Variants in ARHGAP6 observed in about 807,000 individuals in gnomAD.
ARHGAP6 encodes the protein Rho GTPase activating protein 6.
ARHGAP6 carries 16 observed loss-of-function variants against 55.7 expected under a neutral mutation model. That is an observed-to-expected ratio of 0.29 (90% CI 0.19 to 0.44). The LOEUF is 0.44. Ranked by LOEUF, ARHGAP6 falls within the 20% of genes least tolerant of loss-of-function variation. ARHGAP6 has a pLI of 1.00. For synonymous variants in ARHGAP6, 382 were observed against 360.9 expected (o/e 1.06, Z -0.66); for missense variants, 698 against 808.9 (o/e 0.86, Z 1.66).
chrX:11,227,245 A>G (rs1382925350), intron 2 of ARHGAP6, among the ~76,000 whole-genome samples: 9 of 112,043 alleles, frequency 8.0e-5, no homozygotes, highest in African/African-American at 2.9e-4. Flanking sequence ...GAAACTATTT[A>G]TTAATTGGTA....
At chrX:11,267,209 G>T (rs2047637278) in intron 1 of ARHGAP6, among the ~76,000 whole-genome samples, 1 of 111,653 alleles carries the variant, frequency 9.0e-6, no homozygotes, top group Non-Finnish European at 1.9e-5. Context: ...ACATGAAATT[G>T]ATAAATATGT....
intron 2 of ARHGAP6, chrX:11,221,481 C>T (rs1165857904): frequency 6.6e-6 from 1 of 152,528 alleles, no homozygotes; most frequent in African/African-American, 3.2e-5. Context: ...TCTTAAATGC[C>T]TTCTTCTCAT....
chrX:11,411,222 T>TATATATATATATATATA (rs1385399573), intron 1 of ARHGAP6, among the ~76,000 whole-genome samples: 2 of 79,554 alleles, frequency 2.5e-5, no homozygotes, highest in Non-Finnish European at 4.8e-5. Flanking sequence ...TATATATATA[T>TATATATATATATATATA]AAAATATACA....
At chrX:11,361,638 G>A (rs1410772891) in intron 1 of ARHGAP6, among the ~76,000 whole-genome samples, 1 of 110,099 alleles carries the variant, frequency 9.1e-6, no homozygotes, top group East Asian at 2.9e-4. Context: ...GGCAACAAAA[G>A]CCAAAATTGA....
At chrX:11,333,860 AC>A (rs924194559) in intron 1 of ARHGAP6, among the ~76,000 whole-genome samples, 1 of 111,547 alleles carries the variant, frequency 9.0e-6, no homozygotes, top group African/African-American at 3.3e-5. Context: ...CTCATGAAGA[AC>A]CCCTGACACC....
chrX:11,527,591 G>A (rs928203733), intron 1 of ARHGAP6, among the ~76,000 whole-genome samples: 8 of 111,766 alleles, frequency 7.2e-5, no homozygotes, highest in African/African-American at 2.6e-4. Context: ...CAGCCTGGGC[G>A]ACAGAGCGAG....
rs1601706510 is a variant in ARHGAP6 at position 11,622,790 on chromosome X, A to G, written c.588+41451T>C. 3.6e-5 allele frequency among the ~76,000 whole-genome samples: 4 copies of G among 111,607 alleles called. No homozygotes were observed. The South Asian group carries it at 1.5e-3, about 42-fold the overall frequency. On this transcript the variant is annotated intron_variant, in intron 1 of 12. Coordinates refer to ENST00000337414, the MANE Select transcript of ARHGAP6 (RefSeq NM_013427.3). ...TATTAACCTTGAAATGTGTATATGG[A>G]TTAGAAATTTTGCTGTTTCCAAGAA... is the stretch of plus-strand genomic sequence containing the variant.
At chrX:11,242,883 C>T (rs2047303142) in intron 2 of ARHGAP6, among the ~76,000 whole-genome samples, 1 of 111,760 alleles carries the variant, frequency 8.9e-6, no homozygotes, top group African/African-American at 3.2e-5. Context: ...AAACAGCTCT[C>T]TCTGATTCAG....
intron 1 of ARHGAP6, among the ~76,000 whole-genome samples, chrX:11,522,928 A>AC (rs1015658817): frequency 9.0e-6 from 1 of 110,879 alleles, no homozygotes; most frequent in African/African-American, 3.3e-5. Context: ...CAGAGACACA[A>AC]CAAAAAACAG....
At chrX:11,524,804 T>C (rs185375835) in intron 1 of ARHGAP6, among the ~76,000 whole-genome samples, 139 of 111,389 alleles carry the variant, frequency 1.2e-3, no homozygotes, top group African/African-American at 4.2e-3. Flanking sequence ...ATAAAATAAT[T>C]ATACAACTCA....
intron 1 of ARHGAP6, among the ~76,000 whole-genome samples, chrX:11,479,604 G>T (rs185185153): frequency 2.7e-5 from 3 of 111,456 alleles, no homozygotes; most frequent in East Asian, 2.8e-4. Context: ...CTCTGCACTT[G>T]GTTTAAGGCT....
At position 11,306,416 on chromosome X, in the gene ARHGAP6, A is replaced by C. The variant is rs775138118; in HGVS notation, c.589-51709T>G. Among the ~76,000 whole-genome samples, 10 of 113,003 alleles carry C rather than the reference A, an allele frequency of 8.8e-5. No individual in the cohort carries two copies. In the South Asian group the frequency reaches 1.1e-3, roughly 12 times the overall value. On this transcript the variant is annotated intron_variant, in intron 1 of 12. Coordinates refer to ENST00000337414, the MANE Select transcript of ARHGAP6 (RefSeq NM_013427.3). ...CTTAATATCTGCTCAATGAGCCATC[A>C]TTAGCATTAAACACCCAGGATGCTG...
chrX:11,195,678 A>G (rs753779581), intron 3 of ARHGAP6, among the ~76,000 whole-genome samples: 104 of 110,183 alleles, frequency 9.4e-4, no homozygotes, highest in Non-Finnish European at 1.6e-3. Context: ...GGGTGGGAGG[A>G]AAGTGAGAAT....
chrX:11,572,062 G>C (rs1301069801), intron 1 of ARHGAP6, among the ~76,000 whole-genome samples: 1 of 111,319 alleles, frequency 9.0e-6, no homozygotes, highest in Non-Finnish European at 1.9e-5. Flanking sequence ...TTCCCAAAAA[G>C]CAATGTTAAC....
intron 1 of ARHGAP6, among the ~76,000 whole-genome samples, chrX:11,558,525 G>T (rs748854670): frequency 3.6e-5 from 4 of 111,100 alleles, no homozygotes; most frequent in Non-Finnish European, 3.8e-5. Context: ...AAGATAAAGA[G>T]CTGTAGGTAC....
chrX:11,467,380 CA>C (rs374752108), intron 1 of ARHGAP6, among the ~76,000 whole-genome samples: 5 of 106,085 alleles, frequency 4.7e-5, no homozygotes, highest in East Asian at 3.0e-4. Context: ...AACAAACAAA[CA>C]AAAAAAAACA....
intron 1 of ARHGAP6, among the ~76,000 whole-genome samples, chrX:11,277,287 G>A (rs1292360176): frequency 9.0e-6 from 1 of 111,214 alleles, no homozygotes; most frequent in African/African-American, 3.3e-5. Context: ...CAGTTGATGG[G>A]CATTTGGGTT....
rs1412493792 is a variant in ARHGAP6, at chrX:11,174,604, C to CTT, written c.1629+3494_1629+3495dup. Reference sequence around the variant, plus strand: ...TTTCTTTCTTTCTTTTTCTTTCTTTCTTTCTTTCTTTCTCTTTCTTTTCTT... The same window carrying CTT: ...TTTCTTTCTTTCTTTTTCTTTCTTTCTTTTTCTTTCTTTCTCTTTCTTTTCTT... On this transcript the variant is annotated intron_variant, in intron 8 of 12. Coordinates refer to ENST00000337414, the MANE Select transcript of ARHGAP6 (RefSeq NM_013427.3). Among the ~76,000 whole-genome samples, 9 of 83,516 alleles carry CTT rather than the reference C, an allele frequency of 1.1e-4. No homozygotes were observed. The East Asian group carries it at 1.1e-3, about 10-fold the overall frequency. The allele number at this position is 83,516 out of a possible 115,157, so 72.5% of individuals were successfully genotyped here.
intron 1 of ARHGAP6, among the ~76,000 whole-genome samples, chrX:11,491,066 C>T (rs1016609484): frequency 8.9e-5 from 10 of 111,934 alleles, no homozygotes; most frequent in Non-Finnish European, 1.7e-4. Flanking sequence ...AGTGTAAAAG[C>T]AAGCCAGAAC....
Sources: gnomAD v4.1 joint callset for allele counts (sites outside exome capture counted in the v4.1 genomes callset) on GRCh38, gnomAD v4.1.1 for gene constraint, MANE v1.5 for transcripts, NCBI Gene and HGNC (gene_info 2026-07-23, HGNC 2026-07-21) for gene names.